The following ARID1A variants were observed in gnomAD, a reference collection of about 807,000 sequenced individuals.
The protein encoded by ARID1A is AT-rich interactive domain-containing protein 1A.
In ARID1A, 20 loss-of-function variants were observed where a neutral mutation model predicts 212.6. The observed-to-expected ratio is 0.09, with a 90% CI of 0.07 to 0.14. The LOEUF (loss-of-function observed/expected upper bound fraction) is 0.14, where lower values mean the gene tolerates loss of function less well. Among genes scored for constraint, ARID1A ranks in the 10% least tolerant of loss-of-function variants. The probability of loss-of-function intolerance (pLI) is 1.00; values close to 1 mark genes in which losing one functional copy is unlikely to be tolerated. For synonymous variants in ARID1A, 1,376 were observed against 1,222.1 expected, an observed-to-expected ratio of 1.13 and a Z score of -2.63; for missense variants, 2,587 against 3,059.0, an observed-to-expected ratio of 0.85 and a Z score of 3.64.
rs191951964 is a variant in ARID1A at position 26,705,099 on chromosome 1, G to C, written c.1137+7559G>C. On this transcript the variant is annotated intron_variant, in intron 1 of 19. Transcript: ENST00000324856. The stretch of plus-strand genomic sequence containing the variant: ...CAGGCCACTGTAATGCTTCTACCTG[G>C]AGAAGGATTGGTTACACTGCTCCAG... 1.6e-4 allele frequency among the ~76,000 whole-genome samples: 25 copies of C among 152,156 alleles called. No homozygotes were observed. In the East Asian group the frequency reaches 4.4e-3, roughly 27 times the overall value.
intron 12 of ARID1A, 24 bp from the exon 13 acceptor site, chr1:26,772,476 C>T (rs1416707833): frequency 8.1e-6 from 13 of 1,613,990 alleles, no homozygotes; most frequent in African/African-American, 2.7e-5. Flanking sequence ...AAGCAAACTA[C>T]TCAACTTGTA....
intron 1 of ARID1A, among the ~76,000 whole-genome samples, chr1:26,701,424 CGTT>C (rs2080331013): frequency 6.6e-6 from 1 of 152,092 alleles, no homozygotes; most frequent in African/African-American, 2.4e-5. Context: ...CGCACACTTA[CGTT>C]GTTATTACTG....
At chr1:26,766,797 C>T (rs2081043462) in intron 10 of ARID1A, among the ~76,000 whole-genome samples, 1 of 152,188 alleles carries the variant, frequency 6.6e-6, no homozygotes, top group South Asian at 2.1e-4. Context: ...AATATTCTCA[C>T]AGCTGTTTGT....
intron 1 of ARID1A, among the ~76,000 whole-genome samples, chr1:26,727,327 A>G (rs2080628332): frequency 6.6e-6 from 1 of 152,226 alleles, no homozygotes; most frequent in East Asian, 1.9e-4. Flanking sequence ...GGTGGAAGTG[A>G]TTTGGGAACA....
chr1:26,697,345 C>A lies in ARID1A; in HGVS notation c.942C>A (p.Gly314=). The A allele has an allele frequency of 7.5e-7, 1 of 1,326,790 alleles. No individual in the cohort carries two copies. The highest frequency in any genetic ancestry group is 3.1e-5 in the East Asian group (1 of 32,430). The allele number at this position is 1,326,790 out of a possible 1,614,324, so 82.2% of individuals were successfully genotyped here. The part of the protein sequence containing the change: ...SARGYQGYPG[G]DYSGGPQDGG... ...GGGGCTACCAGGGCTACCCCGGGGG[C>A]GACTACAGTGGCGGGCCCCAGGACG... The change falls in exon 1 of 20, where the codon GGC becomes GGA. Residue 314 remains glycine, a synonymous_variant. Transcript: ENST00000324856.
intron 2 of ARID1A, among the ~76,000 whole-genome samples, chr1:26,730,936 G>A (rs1479357863): frequency 6.6e-6 from 1 of 152,172 alleles, no homozygotes; most frequent in Non-Finnish European, 1.5e-5. Flanking sequence ...GTGGATAAAT[G>A]TAGTCCACTT....
intron 11 of ARID1A, among the ~76,000 whole-genome samples, chr1:26,768,939 C>A (rs1359820052): frequency 1.3e-5 from 2 of 152,168 alleles, no homozygotes; most frequent in Non-Finnish European, 2.9e-5. Context: ...CAGCTGTCAC[C>A]AGCAGAAAAG....
chr1:26,758,335 A>G (rs1483193833), intron 4 of ARID1A, among the ~76,000 whole-genome samples: 1 of 152,150 alleles, frequency 6.6e-6, no homozygotes, highest in Non-Finnish European at 1.5e-5. Context: ...TTATCATATC[A>G]GGAGTTTGGG....
chr1:26,705,616 A>G (rs1470745797), intron 1 of ARID1A, among the ~76,000 whole-genome samples: 1 of 152,188 alleles, frequency 6.6e-6, no homozygotes, highest in East Asian at 1.9e-4. Context: ...TTAACCTCCT[A>G]TGGATTACAG....
In ARID1A at chr1:26,780,793, C is replaced by T. The variant is rs375168652; in HGVS notation, c.*37C>T. On this transcript the variant is annotated 3_prime_UTR_variant, in exon 20 of 20. Transcript: ENST00000324856. This position sits in a 1 kb window ranked among gnomAD's most constrained non-coding sequence, Gnocchi z 7.2. ...CACCTCCCCCCCCCGTGTGTGTGTG[C>T]GTGTGTGGAGAACTTAGAAACTGAC... 111 of 1,514,466 alleles carry T rather than the reference C, an allele frequency of 7.3e-5. No individual in the cohort carries two copies. In the South Asian group the frequency reaches 1.0e-3, roughly 14 times the overall value. The allele number at this position is 1,514,466 out of a possible 1,614,324, so 93.8% of individuals were successfully genotyped here.
rs750030197 is a variant in ARID1A at position 26,772,637 on chromosome 1, G to A, written c.3539+5G>A. The A allele has an allele frequency of 1.2e-5, 20 of 1,614,120 alleles. No homozygotes were observed. The highest frequency in any genetic ancestry group is 2.7e-5 in the African/African-American group (2 of 74,942). ...CCCCCCATTGCCAGGCATGAGGTAA[G>A]GCCAAGAGCAGGGGCAGATGGTTGG... is the stretch of plus-strand genomic sequence containing the variant. On this transcript the variant is annotated splice_donor_5th_base_variant and intron_variant, in intron 13 of 19. Transcript: ENST00000324856.
Position 26,779,832 on chromosome 1 carries a change from C to T in ARID1A, c.5934C>T (p.Ala1978=), listed in dbSNP as rs542663779. 861 of 1,614,108 alleles carry T rather than the reference C, an allele frequency of 5.3e-4. 13 individuals are homozygous for T. In the South Asian group the frequency reaches 9.0e-3, roughly 17 times the overall value. Residue 1978 remains alanine (A), a synonymous_variant, in exon 20 of 20, where the codon GCC becomes GCT. Coordinates refer to ENST00000324856, the MANE Select transcript of ARID1A (RefSeq NM_006015.6). ...TTCTGGACTGGCAGGATTCTCTTGC[C>T]AAGCGCTGCGTCTGTGTGTCCAATA... ...CTLLDWQDSL[A]KRCVCVSNTI...
chr1:26,747,765 G>A (rs563781706), intron 4 of ARID1A, among the ~76,000 whole-genome samples: 28 of 152,058 alleles, frequency 1.8e-4, no homozygotes, highest in African/African-American at 6.3e-4. Context: ...CAGGAGGATC[G>A]CTTGAGCCCA....
intron 4 of ARID1A, among the ~76,000 whole-genome samples, chr1:26,739,349 C>G (rs2080765936): frequency 6.6e-6 from 1 of 152,174 alleles, no homozygotes; most frequent in African/African-American, 2.4e-5. Flanking sequence ...TAAGAATCAC[C>G]TGAATTACTG....
At chr1:26,744,541 G>A (rs925511418) in intron 4 of ARID1A, among the ~76,000 whole-genome samples, 1 of 152,206 alleles carries the variant, frequency 6.6e-6, no homozygotes, top group African/African-American at 2.4e-5. Context: ...CAGCCCTGCT[G>A]TAGGAAGTTA....
chr1:26,696,164 T>C lies in ARID1A; in HGVS notation c.-240T>C. On this transcript the variant is annotated 5_prime_UTR_variant, in exon 1 of 20. Coordinates refer to ENST00000324856, the MANE Select transcript of ARID1A (RefSeq NM_006015.6). ...CCGAGCCTACAGAGCCGGGAGCAGC[T>C]GAGCCGCCGGCGCCTCGGCCGCCGC... 1 of 523,714 alleles carries C rather than the reference T, an allele frequency of 1.9e-6. No homozygotes were observed. The highest frequency in any genetic ancestry group is 2.7e-6 in the Non-Finnish European group (1 of 372,526). The allele number at this position is 523,714 out of a possible 1,614,324, so 32.4% of individuals were successfully genotyped here. A position where few individuals can be genotyped will look rare whatever the true frequency, so the allele number is the denominator to read the frequency against.
At chr1:26,778,927 C>T in intron 19 of ARID1A, 96 bp from the exon 20 acceptor site, 1 of 1,256,370 alleles carries the variant, frequency 8.0e-7, no homozygotes. Flanking sequence ...CCTCTCCCAA[C>T]TGATACAGAA....
In ARID1A at chr1:26,771,863, A is replaced by G. The variant is rs185633876; in HGVS notation, c.3406+537A>G. On this transcript the variant is annotated intron_variant, in intron 12 of 19. Coordinates refer to ENST00000324856, the MANE Select transcript of ARID1A (RefSeq NM_006015.6). This position sits in a 1 kb window ranked among gnomAD's most constrained non-coding sequence, Gnocchi z 5.4. Reference sequence around the variant, plus strand: ...AGGGAAGAAGGCCAGGGTGCCTGGAAGGTGGGTGTAAACACATGTGCCCTG... The same window carrying G: ...AGGGAAGAAGGCCAGGGTGCCTGGAGGGTGGGTGTAAACACATGTGCCCTG... The G allele has an allele frequency of 5.8e-4, 97 of 167,404 alleles. No individual in the cohort carries two copies. The highest frequency in any genetic ancestry group is 2.2e-3 in the African/African-American group (93 of 41,740). The allele number at this position is 167,404 out of a possible 1,614,324, so 10.4% of individuals were successfully genotyped here.
At chr1:26,712,483 G>A (rs536774227) in intron 1 of ARID1A, among the ~76,000 whole-genome samples, 6 of 152,000 alleles carry the variant, frequency 3.9e-5, no homozygotes, top group Non-Finnish European at 8.8e-5. Flanking sequence ...CCAGGAGTTC[G>A]AGACCAGCCT....
Sources: allele counts gnomAD v4.1 joint callset (sites outside exome capture counted in the v4.1 genomes callset), GRCh38; gene constraint gnomAD v4.1.1; non-coding constraint Gnocchi (gnomAD v3.1); transcripts MANE v1.5; gene names NCBI Gene and HGNC (gene_info 2026-07-23, HGNC 2026-07-21).